SLC9A9: variants seen among roughly 807,000 people sequenced by gnomAD.
SLC9A9 encodes the protein solute carrier family 9 member A9.
SLC9A9 carries 62 observed loss-of-function variants against 77.8 expected under a neutral mutation model. The ratio of observed to expected loss-of-function variants is 0.80; its 90% CI spans 0.65 to 0.98. SLC9A9 has a LOEUF of 0.98. Among genes scored for constraint, SLC9A9 ranks in the 50% least tolerant of loss-of-function variants. The pLI is 0.00. For missense variants in SLC9A9, 775 were observed against 774.9 expected, an observed-to-expected ratio of 1.00 and a Z score of 0.00; for synonymous variants, 320 against 283.5, an observed-to-expected ratio of 1.13 and a Z score of -1.29.
At chr3:143,334,069 TA>T (rs2108457447) in intron 14 of SLC9A9, among the ~76,000 whole-genome samples, 1 of 152,352 alleles carries the variant, frequency 6.6e-6, no homozygotes, top group East Asian at 1.9e-4. Context: ...GCACTAGATA[TA>T]AGAAATCTCT....
chr3:143,492,152 C>T (rs551208791), intron 11 of SLC9A9, among the ~76,000 whole-genome samples: 81 of 151,838 alleles, frequency 5.3e-4, no homozygotes, highest in African/African-American at 1.9e-3. Flanking sequence ...ATTAGCCGGG[C>T]GTGGTGGCAG....
At chr3:143,411,861 A>T (rs144828965) in intron 12 of SLC9A9, among the ~76,000 whole-genome samples, 91 of 152,162 alleles carry the variant, frequency 6.0e-4, no homozygotes, top group African/African-American at 2.1e-3. Flanking sequence ...GTATTCTATC[A>T]GACAGGGCAG....
At chr3:143,748,477 T>G (rs1172106392) in intron 4 of SLC9A9, among the ~76,000 whole-genome samples, 1 of 152,214 alleles carries the variant, frequency 6.6e-6, no homozygotes, top group African/African-American at 2.4e-5. Context: ...TTGGTTTTCT[T>G]TTTCTTTTCA....
chr3:143,801,814 A>C (rs1262110213), intron 2 of SLC9A9, among the ~76,000 whole-genome samples: 1 of 152,184 alleles, frequency 6.6e-6, no homozygotes. Flanking sequence ...AAGGGATTAC[A>C]TGTCAATATT....
intron 4 of SLC9A9, chr3:143,698,219 T>C (rs1379190585): frequency 2.6e-5 from 4 of 153,726 alleles, no homozygotes; most frequent in Non-Finnish European, 5.9e-5. Context: ...GAGTCAGATG[T>C]CCTCCTGTGG....
chr3:143,347,688 G>T (rs969249532), intron 14 of SLC9A9, among the ~76,000 whole-genome samples: 4 of 151,998 alleles, frequency 2.6e-5, no homozygotes, highest in Admixed American at 2.6e-4. Context: ...CACCAATATT[G>T]TCCCCTGCCC....
intron 6 of SLC9A9, among the ~76,000 whole-genome samples, chr3:143,584,306 C>T (rs1457753025): frequency 6.6e-6 from 1 of 152,146 alleles, no homozygotes; most frequent in Non-Finnish European, 1.5e-5. Flanking sequence ...CTCCTGGCGG[C>T]CCTGGTTCCA....
chr3:143,771,840 C>G (rs2007529843), intron 4 of SLC9A9, among the ~76,000 whole-genome samples: 1 of 152,062 alleles, frequency 6.6e-6, no homozygotes, highest in South Asian at 2.1e-4. Flanking sequence ...TCTCATTTCC[C>G]AGGGGGTGGA....
intron 12 of SLC9A9, among the ~76,000 whole-genome samples, chr3:143,410,814 C>T (rs2034081824): frequency 6.6e-6 from 1 of 152,026 alleles, no homozygotes; most frequent in Admixed American, 6.5e-5. Flanking sequence ...TTAGCTGTGT[C>T]CTATACACTT....
chr3:143,700,174 A>G (rs1933756064), intron 4 of SLC9A9, among the ~76,000 whole-genome samples: 1 of 151,886 alleles, frequency 6.6e-6, no homozygotes, highest in South Asian at 2.1e-4. Context: ...GCCCTAAATA[A>G]CCAGCAACAA....
At chr3:143,521,607 G>T (rs1692623833) in intron 9 of SLC9A9, among the ~76,000 whole-genome samples, 1 of 151,808 alleles carries the variant, frequency 6.6e-6, no homozygotes. Flanking sequence ...ATTTGTTGCT[G>T]TTTCCATTTC....
At chr3:143,588,861 C>T (rs985032731) in intron 6 of SLC9A9, among the ~76,000 whole-genome samples, 1 of 152,192 alleles carries the variant, frequency 6.6e-6, no homozygotes, top group Non-Finnish European at 1.5e-5. Context: ...GAATAATTCT[C>T]ATGGCCTAAT....
intron 11 of SLC9A9, among the ~76,000 whole-genome samples, chr3:143,477,423 C>T (rs1192919124): frequency 7.8e-6 from 1 of 127,770 alleles, no homozygotes; most frequent in Non-Finnish European, 1.6e-5. Context: ...TCAGGAGGTT[C>T]GTGGTAGGTC....
At chr3:143,271,307 T>C (rs1247121933) in intron 14 of SLC9A9, among the ~76,000 whole-genome samples, 1 of 152,214 alleles carries the variant, frequency 6.6e-6, no homozygotes, top group Non-Finnish European at 1.5e-5. Context: ...GCTCCCTCTG[T>C]GCAGGCTCCA....
At chr3:143,418,129 C>T (rs922215811) in intron 12 of SLC9A9, among the ~76,000 whole-genome samples, 2 of 150,470 alleles carry the variant, frequency 1.3e-5, no homozygotes, top group Non-Finnish European at 3.0e-5. Context: ...AGTCACAAAA[C>T]TAGTAAGTGA....
At chr3:143,392,370 A>T (rs2108505985) in intron 12 of SLC9A9, among the ~76,000 whole-genome samples, 1 of 152,338 alleles carries the variant, frequency 6.6e-6, no homozygotes, top group South Asian at 2.1e-4. Flanking sequence ...AGTGAAGGAG[A>T]AATAAAATCG....
intron 8 of SLC9A9, among the ~76,000 whole-genome samples, chr3:143,569,605 G>A (rs1381174718): frequency 4.6e-5 from 7 of 151,678 alleles, no homozygotes; most frequent in Non-Finnish European, 1.0e-4. Flanking sequence ...TTATTTTTTA[G>A]GCTGCTAAGT....
intron 4 of SLC9A9, among the ~76,000 whole-genome samples, chr3:143,745,843 C>T (rs1935186791): frequency 2.0e-5 from 3 of 152,300 alleles, no homozygotes; most frequent in South Asian, 4.1e-4. Flanking sequence ...TTGATCATTG[C>T]TGTGAATAAA....
chr3:143,625,703 G>A (rs1479736268), intron 6 of SLC9A9, among the ~76,000 whole-genome samples: 1 of 152,118 alleles, frequency 6.6e-6, no homozygotes, highest in African/African-American at 2.4e-5. Flanking sequence ...ACATAAGCAT[G>A]GGCAAAGACT....
Sources: gnomAD v4.1 joint callset for allele counts (sites outside exome capture counted in the v4.1 genomes callset) on GRCh38, gnomAD v4.1.1 for gene constraint, MANE v1.5 for transcripts, NCBI Gene and HGNC (gene_info 2026-07-23, HGNC 2026-07-21) for gene names.